Variants in IPO11 observed in about 807,000 individuals in gnomAD.
The protein encoded by IPO11 is importin 11.
IPO11 carries 66 observed loss-of-function variants against 143.2 expected under a neutral mutation model. The ratio of observed to expected loss-of-function variants is 0.46; its 90% CI spans 0.38 to 0.57. The LOEUF is 0.57. IPO11 is among the 20% of genes least tolerant of loss of function. IPO11 has a pLI of 0.00. For missense variants in IPO11, 1,026 were observed against 1,141.0 expected (o/e 0.90, Z 1.45); for synonymous variants, 385 against 377.8 (o/e 1.02, Z -0.22).
chr5:62,502,005 C>T (rs1211474971), intron 16 of IPO11, among the ~76,000 whole-genome samples: 1 of 152,206 alleles, frequency 6.6e-6, no homozygotes, highest in South Asian at 2.1e-4. Flanking sequence ...AGGCATTAGG[C>T]TAGTCCAAAT....
Position 62,452,193 on chromosome 5 carries a change from C to T in IPO11, c.516+260C>T, listed in dbSNP as rs1237048023. On this transcript the variant is annotated intron_variant, in intron 5 of 29. Transcript: ENST00000325324. ...CCAGGAGGTGGAGGTTGCAATGAGC[C>T]GTGATTGTGTCACTGCACTCCAGCC... 5.5e-5 allele frequency among the ~76,000 whole-genome samples: 8 copies of T among 144,482 alleles called. 1 individual carries two copies. Among genetic ancestry groups the T allele is most frequent in the African/African-American group, 1.2e-4 (4 of 34,306 alleles). 94.8% of individuals were successfully genotyped at this position (144,482 alleles called of 152,430 possible). A position where few individuals can be genotyped will look rare whatever the true frequency, so the allele number is the denominator to read the frequency against.
chr5:62,415,446 A>C (rs1370149297), intron 1 of IPO11, among the ~76,000 whole-genome samples: 1 of 144,472 alleles, frequency 6.9e-6, no homozygotes, highest in East Asian at 2.0e-4. Context: ...TACAGGAGTG[A>C]GCCCGGCCCC....
At chr5:62,437,201 T>C (rs1238446743) in intron 1 of IPO11, 73 bp from the exon 2 acceptor site, 2 of 1,225,644 alleles carry the variant, frequency 1.6e-6, no homozygotes, top group Non-Finnish European at 1.1e-6. Context: ...AAGCTTTTTG[T>C]CTCCATTTAT....
intron 1 of IPO11, among the ~76,000 whole-genome samples, chr5:62,425,247 G>C (rs1418387238): frequency 6.6e-6 from 1 of 152,154 alleles, no homozygotes; most frequent in African/African-American, 2.4e-5. Flanking sequence ...CCCTCCTTGG[G>C]GGGAAAGGAA....
At chr5:62,597,701 A>G (rs1745276191) in intron 28 of IPO11, among the ~76,000 whole-genome samples, 1 of 152,210 alleles carries the variant, frequency 6.6e-6, no homozygotes, top group South Asian at 2.1e-4. Flanking sequence ...TTTAGGCTAA[A>G]TGTAATTTAA....
chr5:62,545,744 C>A (rs929289525), intron 24 of IPO11, among the ~76,000 whole-genome samples: 1 of 151,980 alleles, frequency 6.6e-6, no homozygotes, highest in Non-Finnish European at 1.5e-5. Context: ...AGAACTCAAA[C>A]AAATTTACAA....
chr5:62,433,147 T>G, intron 1 of IPO11, among the ~76,000 whole-genome samples: 1 of 146,310 alleles, frequency 6.8e-6, no homozygotes, highest in Non-Finnish European at 1.5e-5. Flanking sequence ...CACCTTTTTG[T>G]TTTTTGTTTT....
At chr5:62,519,442 T>G (rs1029979925) in intron 20 of IPO11, among the ~76,000 whole-genome samples, 1 of 152,206 alleles carries the variant, frequency 6.6e-6, no homozygotes, top group Admixed American at 6.5e-5. Context: ...ATTACTGATT[T>G]AAGCATTGTA....
chr5:62,528,727 G>A (rs536598255), intron 21 of IPO11, among the ~76,000 whole-genome samples: 1 of 152,280 alleles, frequency 6.6e-6, no homozygotes, highest in South Asian at 2.1e-4. Flanking sequence ...ATCGTCTTTA[G>A]TGGGGAGTAA....
chr5:62,571,570 C>G (rs1453165102), intron 27 of IPO11, among the ~76,000 whole-genome samples: 2 of 151,972 alleles, frequency 1.3e-5, no homozygotes, highest in Non-Finnish European at 2.9e-5. Context: ...AAACTGATAA[C>G]AAGAAGTAAA....
At chr5:62,625,106 TATGCCACATAACAAGGAAA>T (rs1299538226) in intron 29 of IPO11, among the ~76,000 whole-genome samples, 2 of 151,760 alleles carry the variant, frequency 1.3e-5, no homozygotes, top group Non-Finnish European at 2.9e-5. Flanking sequence ...AATAATGACA[TATGCCACATAACAAGGAAA>T]ATGAAAGATT....
chr5:62,506,397 G>C, intron 19 of IPO11, 40 bp downstream of exon 19: 2 of 1,068,152 alleles, frequency 1.9e-6, no homozygotes, highest in Non-Finnish European at 2.9e-6. Context: ...TGAGGGGTGG[G>C]TAGAATAGAC....
intron 24 of IPO11, among the ~76,000 whole-genome samples, chr5:62,545,925 A>G (rs929299322): frequency 2.6e-4 from 40 of 152,210 alleles, no homozygotes; most frequent in Admixed American, 1.6e-3. Flanking sequence ...TTAGAATGGC[A>G]ACCATTAAAA....
chr5:62,472,680 A>G (rs1402229365), intron 7 of IPO11, among the ~76,000 whole-genome samples: 1 of 152,028 alleles, frequency 6.6e-6, no homozygotes, highest in East Asian at 1.9e-4. Flanking sequence ...GGTGCCTGCC[A>G]CCATGCCCAG....
chr5:62,417,503 G>A (rs972554336), intron 1 of IPO11, among the ~76,000 whole-genome samples: 11 of 151,622 alleles, frequency 7.3e-5, no homozygotes, highest in Non-Finnish European at 1.5e-4. Flanking sequence ...ATACTTCTGG[G>A]ACACCATATT....
chr5:62,503,156 A>G (rs1422605262), intron 16 of IPO11, among the ~76,000 whole-genome samples: 3 of 151,712 alleles, frequency 2.0e-5, no homozygotes, highest in African/African-American at 2.4e-5. Flanking sequence ...AGGGGCTTTC[A>G]TGTCTTGGTC....
intron 29 of IPO11, among the ~76,000 whole-genome samples, chr5:62,606,378 G>A (rs1167297674): frequency 6.6e-6 from 1 of 150,452 alleles, no homozygotes; most frequent in African/African-American, 2.5e-5. Flanking sequence ...TACTTGGGAG[G>A]CTGAGGTGGG....
chr5:62,599,857 C>T (rs1745437802), intron 28 of IPO11, among the ~76,000 whole-genome samples: 2 of 152,128 alleles, frequency 1.3e-5, no homozygotes, highest in South Asian at 4.1e-4. Context: ...GCGTGATTGT[C>T]TATCTTTAAT....
intron 16 of IPO11, among the ~76,000 whole-genome samples, chr5:62,498,365 TTATAA>T (rs1380655790): frequency 6.6e-6 from 1 of 152,156 alleles, no homozygotes; most frequent in African/African-American, 2.4e-5. Context: ...CCTTTCCCCT[TTATAA>T]TATATTAGTT....
Sources: allele counts gnomAD v4.1 joint callset (sites outside exome capture counted in the v4.1 genomes callset), GRCh38; gene constraint gnomAD v4.1.1; transcripts MANE v1.5; gene names NCBI Gene and HGNC (gene_info 2026-07-23, HGNC 2026-07-21).